WDSUB1: variants seen among roughly 807,000 people sequenced by gnomAD.
WDSUB1 encodes WD repeat, SAM and U-box domain-containing protein 1.
WDSUB1 carries 49 observed loss-of-function variants against 53.9 expected under a neutral mutation model. The observed-to-expected ratio is 0.91, with a 90% CI of 0.72 to 1.15. The LOEUF is 1.15. Ranked by LOEUF, WDSUB1 falls within the 50% of genes most tolerant of loss-of-function variation. The pLI is 0.00. For synonymous variants in WDSUB1, 194 were observed against 200.6 expected (o/e 0.97, Z 0.28); for missense variants, 514 against 562.0 (o/e 0.91, Z 0.86).
chr2:159,279,761 C>A lies in WDSUB1; in HGVS notation c.583G>T (p.Asp195Tyr). ...TGCTTAAAAGAATAAAATAACCAAC[C>A]AGAAACTGGCTGTGAAGAAAAATCG... Reference protein sequence around the residue: ...CCDFSSQPVSDGEQGLQFFRL... With the variant: ...CCDFSSQPVSYGEQGLQFFRL... The change falls in exon 3 of 11, where the codon GAT (aspartate) becomes TAT (tyrosine). Residue 195 changes from aspartate (D) to tyrosine (Y), a missense_variant and splice_region_variant. By Grantham distance (160) the Asp-to-Tyr change is radical (BLOSUM62 -3). Transcript: ENST00000359774. The A allele has an allele frequency of 1.3e-6, 2 of 1,598,188 alleles. No homozygotes were observed. The highest frequency in any genetic ancestry group is 1.7e-6 in the Non-Finnish European group (2 of 1,171,276).
chr2:159,270,723 C>T (rs1009212519), intron 5 of WDSUB1, among the ~76,000 whole-genome samples: 5 of 152,128 alleles, frequency 3.3e-5, no homozygotes, highest in Non-Finnish European at 7.4e-5. Context: ...AGGAAAATAT[C>T]TTCATGACCT....
chr2:159,261,898 T>A (rs11691881), intron 5 of WDSUB1, among the ~76,000 whole-genome samples: 145 of 19,370 alleles, frequency 7.5e-3, no homozygotes, highest in African/African-American at 0.02. Flanking sequence ...ATATATATAT[T>A]TTTTTTTTTT....
At chr2:159,276,587 T>C (rs996917244) in intron 3 of WDSUB1, among the ~76,000 whole-genome samples, 1 of 152,240 alleles carries the variant, frequency 6.6e-6, no homozygotes, top group South Asian at 2.1e-4. Flanking sequence ...TAGTGTATCA[T>C]TATATATCTA....
chr2:159,270,750 T>A (rs2061429834), intron 5 of WDSUB1, among the ~76,000 whole-genome samples: 1 of 152,132 alleles, frequency 6.6e-6, no homozygotes, highest in Non-Finnish European at 1.5e-5. Context: ...ATAAAGAAGC[T>A]GACTACACTA....
In WDSUB1 at chr2:159,247,182, T is replaced by G. The variant is rs370239464; in HGVS notation, c.1273+1190A>C. Among the ~76,000 whole-genome samples the G allele has an allele frequency of 6.6e-5, 10 of 152,334 alleles. 1 individual carries two copies. The South Asian group carries it at 2.1e-3, about 32-fold the overall frequency. ...TTTCATAGCCTGAAATAAAAATAGCTAATTGACTTTTATTGAGTGTTTATT... is the reference window on the plus strand; with the variant it reads ...TTTCATAGCCTGAAATAAAAATAGCGAATTGACTTTTATTGAGTGTTTATT... On this transcript the variant is annotated intron_variant, in intron 10 of 10. Transcript: ENST00000359774.
intron 10 of WDSUB1, among the ~76,000 whole-genome samples, chr2:159,247,945 A>ATATATATATATAAATATATAT (rs1412175372): frequency 9.3e-6 from 1 of 107,580 alleles, no homozygotes; most frequent in Non-Finnish European, 1.8e-5. Context: ...ATATATATAA[A>ATATATATATATAAATATATAT]ATTTGGATTC....
At chr2:159,283,204 A>G (rs890775362) in intron 1 of WDSUB1, 111 bp from the exon 2 acceptor site, 2 of 943,194 alleles carry the variant, frequency 2.1e-6, no homozygotes, top group Non-Finnish European at 3.1e-6. Context: ...AAGCTTCTAC[A>G]TCAACATTTT....
chr2:159,272,152 G>A lies in WDSUB1; in HGVS notation c.677-357C>T, dbSNP rs562095312. 2.4e-4 allele frequency among the ~76,000 whole-genome samples: 37 copies of A among 152,322 alleles called. No individual in the cohort carries two copies. In the South Asian group the frequency reaches 7.5e-3, roughly 31 times the overall value. On this transcript the variant is annotated intron_variant, in intron 4 of 10. Transcript: ENST00000359774. ...CGCTGCGTACATACAGGTGGTAGAG[G>A]TTTAGTATGTGCAAAATCACGTCAA...
At position 159,254,633 on chromosome 2, in the gene WDSUB1, TTTC is replaced by T. The variant is rs766314614; in HGVS notation, c.1132+1560_1132+1562del. On this transcript the variant is annotated intron_variant, in intron 9 of 10. Transcript: ENST00000359774. ...TGTATTTCTATTGTTTCTATATGCT[TTTC>T]TTATGTTTTCAAACATCCTTTGTTG... Among the ~76,000 whole-genome samples the T allele has an allele frequency of 1.1e-4, 16 of 152,290 alleles. 1 individual carries two copies. The highest frequency in any genetic ancestry group is 2.2e-4 in the Non-Finnish European group (15 of 68,022).
rs190454509 is a variant in WDSUB1 at position 159,252,726 on chromosome 2, G to A, written c.1132+3470C>T. 1.4e-4 allele frequency among the ~76,000 whole-genome samples: 21 copies of A among 152,248 alleles called. No homozygotes were observed. The East Asian group carries it at 3.1e-3, about 22-fold the overall frequency. On this transcript the variant is annotated intron_variant, in intron 9 of 10. Transcript: ENST00000359774. ...TCTACATAACGAATTAATAAGAACC[G>A]AAACATGAAACTTTCAAAACCCGAG...
intron 5 of WDSUB1, among the ~76,000 whole-genome samples, chr2:159,260,179 CCT>C (rs2061158907): frequency 6.6e-6 from 1 of 151,972 alleles, no homozygotes; most frequent in Non-Finnish European, 1.5e-5. Flanking sequence ...GTGGCGTGCA[CCT>C]GTAATCCCAT....
At chr2:159,282,143 A>C (rs4665053) in intron 2 of WDSUB1, among the ~76,000 whole-genome samples, 63,758 of 151,762 alleles carry the variant, frequency 0.42, 14,697 homozygotes, top group Non-Finnish European at 0.54. Context: ...TACTATAAGA[A>C]TCATATTAAA....
intron 10 of WDSUB1, among the ~76,000 whole-genome samples, chr2:159,242,353 G>T (rs974631945): frequency 7.0e-6 from 1 of 143,480 alleles, no homozygotes; most frequent in Non-Finnish European, 1.5e-5. Context: ...CACCACACCC[G>T]GCCAAAAGCA....
At chr2:159,264,809 C>T (rs898997910) in intron 5 of WDSUB1, among the ~76,000 whole-genome samples, 28 of 152,140 alleles carry the variant, frequency 1.8e-4, no homozygotes, top group African/African-American at 5.8e-4. Flanking sequence ...AAGGGCCAGG[C>T]GCAGTGGTTC....
chr2:159,261,040 AAC>A (rs1481572246), intron 5 of WDSUB1, among the ~76,000 whole-genome samples: 4 of 152,228 alleles, frequency 2.6e-5, no homozygotes, highest in Non-Finnish European at 4.4e-5. Context: ...TATAAAATAA[AAC>A]ACAAGAACTT....
chr2:159,260,153 A>C (rs1246258688), intron 5 of WDSUB1, among the ~76,000 whole-genome samples: 1 of 152,002 alleles, frequency 6.6e-6, no homozygotes, highest in Admixed American at 6.6e-5. Context: ...ATACAGAAAA[A>C]AATTATCCGG....
At chr2:159,275,347 T>C (rs934289031) in intron 4 of WDSUB1, among the ~76,000 whole-genome samples, 199 bp downstream of exon 4, 2 of 152,222 alleles carry the variant, frequency 1.3e-5, no homozygotes, top group African/African-American at 4.8e-5. Context: ...GAAATGTGCA[T>C]GGCAGTAGAA....
At chr2:159,285,466 G>C (rs1379010035) in intron 1 of WDSUB1, among the ~76,000 whole-genome samples, 1 of 152,130 alleles carries the variant, frequency 6.6e-6, no homozygotes, top group Non-Finnish European at 1.5e-5. Flanking sequence ...AGCATTTTGG[G>C]AGGCCGAGAT....
chr2:159,242,442 C>A lies in WDSUB1; in HGVS notation c.1273+5930G>T, dbSNP rs1043214634. Among the ~76,000 whole-genome samples the A allele has an allele frequency of 6.8e-5, 10 of 146,370 alleles. 2 individuals are homozygous for A. Among genetic ancestry groups the A allele is most frequent in the African/African-American group, 2.7e-4 (10 of 37,244 alleles). ...AGCATTTTGGGAGGCGGGCAGATCACCTGAGGTTGGGAGATCGAGACCATC... is the reference window on the plus strand; with the variant it reads ...AGCATTTTGGGAGGCGGGCAGATCAACTGAGGTTGGGAGATCGAGACCATC... On this transcript the variant is annotated intron_variant, in intron 10 of 10. Coordinates refer to ENST00000359774, the MANE Select transcript of WDSUB1 (RefSeq NM_001128212.3).
Sources: allele counts gnomAD v4.1 joint callset (sites outside exome capture counted in the v4.1 genomes callset), GRCh38; gene constraint gnomAD v4.1.1; transcripts MANE v1.5; gene names NCBI Gene and HGNC (gene_info 2026-07-23, HGNC 2026-07-21).